KANK1: variants seen among roughly 807,000 people sequenced by gnomAD.
The protein encoded by KANK1 is KN motif and ankyrin repeat domain-containing protein 1.
KANK1 carries 109 observed loss-of-function variants against 106.2 expected under a neutral mutation model. The observed-to-expected ratio is 1.03, with a 90% CI of 0.88 to 1.20. KANK1 has a LOEUF of 1.20. Among genes scored for constraint, KANK1 ranks in the 50% most tolerant of loss-of-function variants. KANK1 has a pLI of 0.00. For synonymous variants in KANK1, 873 were observed against 652.2 expected, an observed-to-expected ratio of 1.34 and a Z score of -5.16; for missense variants, 2,399 against 1,710.7, an observed-to-expected ratio of 1.40 and a Z score of -7.10.
intron 2 of KANK1, chr9:470,872 C>G (rs1037152777): frequency 6.6e-6 from 1 of 152,278 alleles, no homozygotes; most frequent in African/African-American, 2.4e-5. Flanking sequence ...GACTGAAGTT[C>G]CTTGAGAGCA....
intron 1 of KANK1, among the ~76,000 whole-genome samples, chr9:573,576 T>A (rs1819766576): frequency 6.6e-6 from 1 of 151,270 alleles, no homozygotes. Flanking sequence ...GGTCAAGGAT[T>A]TTTTTTTTAA....
At chr9:612,854 A>G (rs950048334) in intron 1 of KANK1, among the ~76,000 whole-genome samples, 2 of 152,196 alleles carry the variant, frequency 1.3e-5, no homozygotes, top group African/African-American at 4.8e-5. Context: ...AGAAGTAGTA[A>G]GAGACCCTAA....
intron 1 of KANK1, among the ~76,000 whole-genome samples, chr9:541,497 G>T (rs534536113): frequency 6.6e-6 from 1 of 152,262 alleles, no homozygotes; most frequent in South Asian, 2.1e-4. Context: ...GACTTAGTAA[G>T]ATCCAAAAGT....
At chr9:580,642 C>T (rs1274395204) in intron 1 of KANK1, among the ~76,000 whole-genome samples, 3 of 152,248 alleles carry the variant, frequency 2.0e-5, no homozygotes, top group African/African-American at 4.8e-5. Flanking sequence ...GGTGTATTTA[C>T]AATCCCTTAG....
At position 712,871 on chromosome 9, in the gene KANK1, C is replaced by T; in HGVS notation, c.2105C>T (p.Thr702Ile). The T allele has an allele frequency of 1.9e-6, 3 of 1,613,922 alleles. No homozygotes were observed. Among genetic ancestry groups the T allele is most frequent in the South Asian group, 2.2e-5 (2 of 91,054 alleles). Residue 702 changes from threonine to isoleucine, a missense_variant, in exon 3 of 12, where the codon ACT becomes ATT. By Grantham distance (89) the Thr-to-Ile change is moderately conservative (BLOSUM62 -1). Coordinates refer to ENST00000382297, the MANE Select transcript of KANK1 (RefSeq NM_015158.5). ...IESCTNTCLS[T>I]LDKQTSTQTV... is the part of the protein sequence containing the mutation. The stretch of plus-strand genomic sequence containing the variant: ...TCCTGCACCAACACTTGTCTAAGCA[C>T]TTTGGACAAGCAGACCAGCACCCAG...
rs554789918 is a variant in KANK1 at position 583,260 on chromosome 9, A to G, written c.-84+78506A>G. On this transcript the variant is annotated intron_variant, in intron 1 of 11. Transcript: ENST00000382297. ...AAATCTAACTATCACTTTATTGTCT[A>G]TGGGTATCTGTTACATTTTATCTGT... Among the ~76,000 whole-genome samples the G allele has an allele frequency of 3.3e-4, 50 of 152,258 alleles. 1 individual carries two copies. Among genetic ancestry groups the G allele is most frequent in the Middle Eastern group, 3.4e-3 (1 of 294 alleles).
At chr9:578,464 CT>C (rs376510070) in intron 1 of KANK1, among the ~76,000 whole-genome samples, 23 of 147,008 alleles carry the variant, frequency 1.6e-4, no homozygotes, top group Admixed American at 1.4e-4. Flanking sequence ...AAGAAAAAGC[CT>C]TTTTTTTTTG....
chr9:487,228 G>A (rs967858455), intron 3 of KANK1, among the ~76,000 whole-genome samples: 6 of 152,128 alleles, frequency 3.9e-5, no homozygotes, highest in African/African-American at 1.2e-4. Flanking sequence ...ATTTATGATG[G>A]TGTGAAAGCC....
chr9:588,466 T>G (rs1423545938), intron 1 of KANK1, among the ~76,000 whole-genome samples: 7 of 152,204 alleles, frequency 4.6e-5, no homozygotes, highest in Non-Finnish European at 1.0e-4. Context: ...ATTCTGTTAA[T>G]TTACTCTGTT....
chr9:735,436 T>C (rs2131941786), intron 7 of KANK1, among the ~76,000 whole-genome samples: 1 of 152,356 alleles, frequency 6.6e-6, no homozygotes, highest in African/African-American at 2.4e-5. Context: ...AGTATTTCTA[T>C]GGCAATGGTT....
At chr9:566,371 C>G (rs920858092) in intron 1 of KANK1, among the ~76,000 whole-genome samples, 1 of 152,104 alleles carries the variant, frequency 6.6e-6, no homozygotes, top group African/African-American at 2.4e-5. Flanking sequence ...TTGGTGTACA[C>G]CCAGTAATGG....
intron 2 of KANK1, among the ~76,000 whole-genome samples, chr9:708,250 T>G (rs997193375): frequency 2.8e-5 from 4 of 143,568 alleles, no homozygotes; most frequent in African/African-American, 1.0e-4. Context: ...TGCTGCAGCT[T>G]CTCTCCTGTT....
chr9:744,375 G>A, intron 10 of KANK1, 116 bp from the exon 11 acceptor site: 1 of 1,209,826 alleles, frequency 8.3e-7, no homozygotes, highest in Non-Finnish European at 1.1e-6. Flanking sequence ...GACCGAACGA[G>A]TAGGGATATT....
intron 2 of KANK1, among the ~76,000 whole-genome samples, chr9:682,453 T>C (rs1473540492): frequency 6.6e-6 from 1 of 152,218 alleles, no homozygotes; most frequent in Non-Finnish European, 1.5e-5. Flanking sequence ...ATAATTTGGA[T>C]ATCAGCTCTT....
intron 3 of KANK1, among the ~76,000 whole-genome samples, chr9:494,826 G>T (rs1003399365): frequency 6.6e-6 from 1 of 151,840 alleles, no homozygotes; most frequent in Admixed American, 6.6e-5. Flanking sequence ...AATAATAACT[G>T]GCACAATAAA....
At chr9:688,466 C>T (rs1033003185) in intron 2 of KANK1, among the ~76,000 whole-genome samples, 8 of 152,002 alleles carry the variant, frequency 5.3e-5, no homozygotes, top group African/African-American at 1.7e-4. Context: ...ATTAGCTGGG[C>T]GTCGCAGCGG....
intron 2 of KANK1, among the ~76,000 whole-genome samples, chr9:679,208 A>AT (rs1817017383): frequency 6.6e-6 from 1 of 152,056 alleles, no homozygotes; most frequent in South Asian, 2.1e-4. Flanking sequence ...GCAGGGGAAG[A>AT]TTTTTTACTT....
intron 1 of KANK1, among the ~76,000 whole-genome samples, chr9:517,025 A>ACACACACACC (rs1264000372): frequency 6.6e-6 from 1 of 151,432 alleles, no homozygotes; most frequent in African/African-American, 2.5e-5. Context: ...ACACACACAC[A>ACACACACACC]CATCCGTCTT....
chr9:525,143 C>T (rs990211920), intron 1 of KANK1, among the ~76,000 whole-genome samples: 2 of 151,294 alleles, frequency 1.3e-5, no homozygotes, highest in African/African-American at 2.4e-5. Context: ...TACAGGCATG[C>T]GCCACCACAC....
Sources: gnomAD v4.1 joint callset for allele counts (sites outside exome capture counted in the v4.1 genomes callset) on GRCh38, gnomAD v4.1.1 for gene constraint, MANE v1.5 for transcripts, NCBI Gene and HGNC (gene_info 2026-07-23, HGNC 2026-07-21) for gene names.